The following RIMS2 variants were observed in gnomAD, a reference collection of about 807,000 sequenced individuals.
RIMS2 encodes regulating synaptic membrane exocytosis 2, also known as regulating synaptic membrane exocytosis protein 2.
RIMS2 carries 59 observed loss-of-function variants against 174.4 expected under a neutral mutation model. That is an observed-to-expected ratio of 0.34 (90% confidence interval 0.27 to 0.42). The LOEUF (loss-of-function observed/expected upper bound fraction) is 0.42. Ranked by LOEUF, RIMS2 falls within the 10% of genes least tolerant of loss-of-function variation. RIMS2 has a pLI of 1.00. For synonymous variants in RIMS2, 606 were observed against 572.5 expected (o/e 1.06, Z -0.84); for missense variants, 1,620 against 1,666.3 (o/e 0.97, Z 0.48).
At chr8:104,014,569 G>T in exon 19 of RIMS2, 1 of 1,613,180 alleles carries the variant, frequency 6.2e-7, no homozygotes, top group Non-Finnish European at 8.5e-7. Flanking sequence ...CAGGACGAAG[G>T]GGCCGACAGC....
At chr8:104,096,914 G>A (rs972439669) in intron 19 of RIMS2, among the ~76,000 whole-genome samples, 1 of 151,612 alleles carries the variant, frequency 6.6e-6, no homozygotes, top group Non-Finnish European at 1.5e-5. Context: ...AATGTTGGTA[G>A]CACTCATTAA....
intron 1 of RIMS2, among the ~76,000 whole-genome samples, chr8:103,525,120 T>C (rs894454456): frequency 6.6e-6 from 1 of 152,210 alleles, no homozygotes; most frequent in Non-Finnish European, 1.5e-5. Flanking sequence ...ATTGATTCTT[T>C]AATCATAATA....
intron 4 of RIMS2, among the ~76,000 whole-genome samples, chr8:103,897,905 G>T (rs1280856819): frequency 1.3e-5 from 2 of 151,590 alleles, no homozygotes; most frequent in African/African-American, 2.4e-5. Flanking sequence ...TTCTGCTCTG[G>T]GTTCTATTTT....
chr8:103,600,388 G>C (rs1450172006), intron 1 of RIMS2, among the ~76,000 whole-genome samples: 1 of 152,116 alleles, frequency 6.6e-6, no homozygotes, highest in Non-Finnish European at 1.5e-5. Context: ...TCATGCCTCA[G>C]CATCCTGAGT....
intron 19 of RIMS2, among the ~76,000 whole-genome samples, chr8:104,112,174 G>A (rs1193674704): frequency 1.3e-5 from 2 of 151,950 alleles, no homozygotes; most frequent in African/African-American, 2.4e-5. Context: ...AATATTCAAG[G>A]TCAATCAATG....
In RIMS2 at chr8:103,795,118, A is replaced by G. The variant is rs192050242; in HGVS notation, c.698+28581A>G. Among the ~76,000 whole-genome samples the G allele has an allele frequency of 6.1e-3, 937 of 152,362 alleles. 12 individuals are homozygous for G. Among genetic ancestry groups the G allele is most frequent in the African/African-American group, 0.021 (886 of 41,576 alleles). ...CCAAAGGATTATAAATCATGCTGCTATACAGACACATGCACATGTGTGTTT... is the reference window on the plus strand; with the variant it reads ...CCAAAGGATTATAAATCATGCTGCTGTACAGACACATGCACATGTGTGTTT... On this transcript the variant is annotated intron_variant, in intron 3 of 23. Coordinates refer to ENST00000504942, the Ensembl canonical transcript of RIMS2.
At chr8:103,566,695 A>C (rs1225768511) in intron 1 of RIMS2, among the ~76,000 whole-genome samples, 1 of 152,190 alleles carries the variant, frequency 6.6e-6, no homozygotes, top group Non-Finnish European at 1.5e-5. Flanking sequence ...TGGAATCTTC[A>C]AGAGCAAAGG....
chr8:103,753,923 T>C (rs528122193), intron 2 of RIMS2, among the ~76,000 whole-genome samples: 44 of 152,304 alleles, frequency 2.9e-4, no homozygotes, highest in Middle Eastern at 3.4e-3. Context: ...TGTGTCTCTA[T>C]CTCCTTCAGT....
intron 1 of RIMS2, among the ~76,000 whole-genome samples, chr8:103,516,172 A>G (rs1828872967): frequency 6.6e-6 from 1 of 152,148 alleles, no homozygotes; most frequent in African/African-American, 2.4e-5. Flanking sequence ...AAAAGTTAAA[A>G]TCTTGCTTTG....
rs887716782 is a variant in RIMS2, at chr8:103,984,594, A to G, written c.2928-4711A>G. Among the ~76,000 whole-genome samples the G allele has an allele frequency of 8.5e-5, 13 of 152,320 alleles. No homozygotes were observed. In the East Asian group the frequency reaches 2.3e-3, roughly 27 times the overall value. ...GGAGAAAAGGGAACCCTTGTACACTATTGGTTGGAATGTAAATTAGTACAC... is the reference window on the plus strand; with the variant it reads ...GGAGAAAAGGGAACCCTTGTACACTGTTGGTTGGAATGTAAATTAGTACAC... On this transcript the variant is annotated intron_variant, in intron 16 of 23. Transcript: ENST00000504942.
intron 19 of RIMS2, among the ~76,000 whole-genome samples, chr8:104,243,673 A>G (rs2099314774): frequency 6.6e-6 from 1 of 152,200 alleles, no homozygotes; most frequent in African/African-American, 2.4e-5. Flanking sequence ...GCAACAGTGC[A>G]AGACTTTGTC....
chr8:103,592,155 T>C (rs1409171734), intron 1 of RIMS2, among the ~76,000 whole-genome samples: 1 of 151,200 alleles, frequency 6.6e-6, no homozygotes, highest in Non-Finnish European at 1.5e-5. Flanking sequence ...GAGAAATTGT[T>C]TTAGGTTAGA....
At chr8:103,595,246 G>A (rs1482638626) in intron 1 of RIMS2, among the ~76,000 whole-genome samples, 4 of 151,748 alleles carry the variant, frequency 2.6e-5, no homozygotes, top group Non-Finnish European at 5.9e-5. Flanking sequence ...AAGTGTCCAT[G>A]TTAGCAGATT....
intron 1 of RIMS2, among the ~76,000 whole-genome samples, chr8:103,583,418 A>T (rs1437677481): frequency 2.0e-5 from 3 of 152,202 alleles, no homozygotes; most frequent in Non-Finnish European, 4.4e-5. Context: ...ATCTGGGAAA[A>T]CATGACCTCA....
At chr8:103,575,046 T>C (rs2093111326) in intron 1 of RIMS2, among the ~76,000 whole-genome samples, 1 of 152,208 alleles carries the variant, frequency 6.6e-6, no homozygotes, top group African/African-American at 2.4e-5. Flanking sequence ...GGTCCTAATT[T>C]ATCTGACAGT....
At chr8:104,188,275 AT>A (rs2098980236) in intron 19 of RIMS2, among the ~76,000 whole-genome samples, 7 of 149,738 alleles carry the variant, frequency 4.7e-5, no homozygotes, top group Non-Finnish European at 7.4e-5. Context: ...AGATAGATGG[AT>A]GAAGTATAAA....
At chr8:104,015,444 G>T in intron 19 of RIMS2, 1 of 710,750 alleles carries the variant, frequency 1.4e-6, no homozygotes, top group Non-Finnish European at 2.6e-6. Context: ...CAAGGAGATA[G>T]AACCTTATGA....
intron 2 of RIMS2, among the ~76,000 whole-genome samples, chr8:103,761,262 A>G (rs1372929483): frequency 1.3e-5 from 2 of 152,246 alleles, no homozygotes; most frequent in Non-Finnish European, 2.9e-5. Context: ...TGCCCTGGTA[A>G]TGGATTGTTC....
At chr8:103,549,316 C>T (rs1018536409) in intron 1 of RIMS2, among the ~76,000 whole-genome samples, 3 of 152,120 alleles carry the variant, frequency 2.0e-5, no homozygotes, top group Admixed American at 2.0e-4. Flanking sequence ...GGCCAATATT[C>T]AACAATCTTA....
Sources: allele counts gnomAD v4.1 joint callset (sites outside exome capture counted in the v4.1 genomes callset), GRCh38; gene constraint gnomAD v4.1.1; transcripts MANE v1.5; gene names NCBI Gene and HGNC (gene_info 2026-07-23, HGNC 2026-07-21).